GOLGA4: variants seen among roughly 807,000 people sequenced by gnomAD.
GOLGA4 encodes the protein golgin subfamily A member 4.
Under a neutral mutation model 265.9 loss-of-function variants are expected in GOLGA4, and 169 were observed. That is an observed-to-expected ratio of 0.64 (90% CI 0.56 to 0.72). GOLGA4 has a LOEUF of 0.72. Ranked by LOEUF, GOLGA4 falls within the 30% of genes least tolerant of loss-of-function variation. The probability of loss-of-function intolerance (pLI) is 0.00; values close to 1 mark genes in which losing one functional copy is unlikely to be tolerated. For missense variants in GOLGA4, 2,482 were observed against 2,483.4 expected (o/e 1.00, Z 0.01); for synonymous variants, 923 against 855.8 (o/e 1.08, Z -1.37).
intron 1 of GOLGA4, among the ~76,000 whole-genome samples, chr3:37,244,445 C>G (rs1254533431): frequency 6.6e-6 from 1 of 152,196 alleles, no homozygotes; most frequent in Non-Finnish European, 1.5e-5. Flanking sequence ...TTTAAAGAAA[C>G]AATTTCCTAA....
intron 7 of GOLGA4, among the ~76,000 whole-genome samples, chr3:37,298,218 TTTTACTCAAATCAG>T (rs2150852789): frequency 6.6e-6 from 1 of 152,282 alleles, no homozygotes; most frequent in Non-Finnish European, 1.5e-5. Flanking sequence ...CAGAGTTTTA[TTTTACTCAAATCAG>T]TCTCGCCAAG....
intron 2 of GOLGA4, among the ~76,000 whole-genome samples, chr3:37,263,111 A>G (rs1393119391): frequency 1.3e-5 from 2 of 152,272 alleles, no homozygotes; most frequent in East Asian, 3.9e-4. Flanking sequence ...TTTATTCTGT[A>G]GTTTTACTAT....
chr3:37,260,823 TAAA>T (rs1275954979), intron 2 of GOLGA4, among the ~76,000 whole-genome samples: 2 of 151,924 alleles, frequency 1.3e-5, no homozygotes, highest in African/African-American at 4.8e-5. Context: ...ATCACTGAAA[TAAA>T]TAATAATAGT....
chr3:37,285,164 T>G (rs2150784396), intron 3 of GOLGA4, among the ~76,000 whole-genome samples: 1 of 130,360 alleles, frequency 7.7e-6, no homozygotes, highest in East Asian at 2.0e-4. Flanking sequence ...TTTTTTTTTT[T>G]TTTTTTTTTA....
chr3:37,313,750 C>A (rs2096929384), intron 10 of GOLGA4, among the ~76,000 whole-genome samples: 1 of 152,096 alleles, frequency 6.6e-6, no homozygotes, highest in African/African-American at 2.4e-5. Context: ...TACAGATCCT[C>A]CTTGACTTAT....
rs1293749026 is a variant in GOLGA4, at chr3:37,299,006, C to G, written c.988C>G (p.Leu330Val). 6.3e-7 allele frequency: 1 copy of G among 1,590,256 alleles called. No homozygotes were observed. The highest frequency in any genetic ancestry group is 2.2e-5 in the East Asian group (1 of 44,770). The change falls in exon 8 of 24, where the codon CTA (leucine) becomes GTA (valine). Residue 330 changes from leucine to valine, a missense_variant. Transcript: ENST00000361924. ...QEQLDERLQE[L>V]EKIKDLHMAE... ...ACAACTGGATGAAAGACTTCAAGAA[C>G]TAGAAAAGATAAAGGTAAAAGAGCA...
In GOLGA4 at chr3:37,315,478, A is replaced by G. The variant is rs2096935122; in HGVS notation, c.1293A>G (p.Arg431=). 6.2e-7 allele frequency: 1 copy of G among 1,614,092 alleles called. No homozygotes were observed. The highest frequency in any genetic ancestry group is 8.5e-7 in the Non-Finnish European group (1 of 1,179,954). Residue 431 remains arginine, a synonymous_variant, in exon 11 of 24, where the codon AGA becomes AGG. Coordinates refer to ENST00000361924, the MANE Select transcript of GOLGA4 (RefSeq NM_002078.5). ...CCCAAAAAACAGAGGAAGCACGGAGAAAACTGAAGGCAGAAATGGATGAAC... is the reference window on the plus strand; with the variant it reads ...CCCAAAAAACAGAGGAAGCACGGAGGAAACTGAAGGCAGAAATGGATGAAC... ...STAQKTEEAR[R]KLKAEMDEQI...
At chr3:37,269,716 G>T (rs560860071) in intron 2 of GOLGA4, among the ~76,000 whole-genome samples, 1 of 151,980 alleles carries the variant, frequency 6.6e-6, no homozygotes, top group African/African-American at 2.4e-5. Context: ...CTAAATATTC[G>T]TAATGTAAAT....
chr3:37,294,748 G>T (rs1420616896), intron 5 of GOLGA4, among the ~76,000 whole-genome samples: 1 of 152,078 alleles, frequency 6.6e-6, no homozygotes, highest in African/African-American at 2.4e-5. Flanking sequence ...TACAGCTCTG[G>T]AAAGTACACT....
chr3:37,243,844 A>ATGGGGGTGGCTGGATCCCTC (rs2096710315), intron 1 of GOLGA4: 1 of 570,392 alleles, frequency 1.8e-6, no homozygotes, highest in Admixed American at 3.2e-5. Context: ...CAATGAGTGG[A>ATGGGGGTGGCTGGATCCCTC]TGGGGGTGGC....
intron 10 of GOLGA4, among the ~76,000 whole-genome samples, chr3:37,313,728 T>C (rs1229093268): frequency 6.6e-6 from 1 of 152,168 alleles, no homozygotes; most frequent in African/African-American, 2.4e-5. Flanking sequence ...TGTACACATA[T>C]ACACAGGCAT....
intron 2 of GOLGA4, among the ~76,000 whole-genome samples, chr3:37,264,930 A>G (rs550656881): frequency 6.6e-6 from 1 of 152,220 alleles, no homozygotes; most frequent in East Asian, 1.9e-4. Flanking sequence ...TTATTTAGAA[A>G]TAATTATAGA....
At chr3:37,355,026 C>T in intron 21 of GOLGA4, 75 bp from the exon 22 acceptor site, 1 of 833,910 alleles carries the variant, frequency 1.2e-6, no homozygotes, top group South Asian at 1.4e-5. Context: ...ATCCCACCAG[C>T]AGAACATGTC....
At chr3:37,313,464 G>A (rs1345132494) in intron 10 of GOLGA4, 1 of 152,210 alleles carries the variant, frequency 6.6e-6, no homozygotes, top group African/African-American at 2.4e-5. Flanking sequence ...ACCACTGGAA[G>A]TGAAAATATT....
At chr3:37,322,155 C>T (rs775272910) in intron 13 of GOLGA4, among the ~76,000 whole-genome samples, 91 of 152,250 alleles carry the variant, frequency 6.0e-4, no homozygotes, top group Non-Finnish European at 1.1e-3. Flanking sequence ...GCAGCATCTC[C>T]ATTGCATACT....
Position 37,327,325 on chromosome 3 carries a change from C to G in GOLGA4, c.5439C>G (p.Ala1813=). Residue 1813 remains alanine (A), a synonymous_variant, in exon 14 of 24, where the codon GCC becomes GCG. Transcript: ENST00000361924. ...EKNKKYSLIV[A]QHVEKEGGKN... ...ACAAGAAATATTCCTTGATAGTAGC[C>G]CAGCATGTGGAAAAAGAAGGAGGTA... 1.9e-6 allele frequency: 3 copies of G among 1,613,672 alleles called. No homozygotes were observed. Among genetic ancestry groups the G allele is most frequent in the Non-Finnish European group, 2.5e-6 (3 of 1,179,826 alleles).
At chr3:37,255,615 A>T (rs2096746385) in intron 2 of GOLGA4, among the ~76,000 whole-genome samples, 1 of 152,174 alleles carries the variant, frequency 6.6e-6, no homozygotes, top group African/African-American at 2.4e-5. Flanking sequence ...AACTTAATGA[A>T]ATCAGGAAAT....
chr3:37,297,759 G>C (rs1303589885), intron 7 of GOLGA4, among the ~76,000 whole-genome samples: 2 of 152,118 alleles, frequency 1.3e-5, no homozygotes, highest in African/African-American at 4.8e-5. Flanking sequence ...GGGCGTGGTG[G>C]CTCTCACCTG....
rs963692805 is a variant in GOLGA4 at position 37,282,093 on chromosome 3, G to A, written c.298G>A (p.Glu100Lys). 1.9e-6 allele frequency: 3 copies of A among 1,614,184 alleles called. No homozygotes were observed. Among genetic ancestry groups the A allele is most frequent in the Admixed American group, 3.3e-5 (2 of 60,024 alleles). Residue 100 changes from glutamate to lysine, a missense_variant, in exon 3 of 24, where the codon GAA (glutamate) becomes AAA (lysine). By Grantham distance (56) the Glu-to-Lys change is moderately conservative. Coordinates refer to ENST00000361924, the MANE Select transcript of GOLGA4 (RefSeq NM_002078.5). ...GTCTTTGGTACGAACATCTTCCAGA[G>A]AATCCCTGAATCGACTTGACCTGGA... is the stretch of plus-strand genomic sequence containing the variant. ...KESLVRTSSR[E>K]SLNRLDLDSS...
Sources: gnomAD v4.1 joint callset for allele counts (sites outside exome capture counted in the v4.1 genomes callset) on GRCh38, gnomAD v4.1.1 for gene constraint, MANE v1.5 for transcripts, NCBI Gene and HGNC (gene_info 2026-07-23, HGNC 2026-07-21) for gene names.